SYK: variants seen among roughly 807,000 people sequenced by gnomAD.
SYK encodes spleen associated tyrosine kinase, also known as tyrosine-protein kinase SYK.
Under a neutral mutation model 77.8 loss-of-function variants are expected in SYK, and 16 were observed. That is an observed-to-expected ratio of 0.21 (90% CI 0.14 to 0.31). The LOEUF (loss-of-function observed/expected upper bound fraction) is 0.31, where lower values mean the gene tolerates loss of function less well. Ranked by LOEUF, SYK falls within the 10% of genes least tolerant of loss-of-function variation. The pLI, the probability that SYK is intolerant of heterozygous loss-of-function variation, is 1.00. For synonymous variants in SYK, 312 were observed against 308.7 expected, an observed-to-expected ratio of 1.01 and a Z score of -0.11; for missense variants, 529 against 814.4, an observed-to-expected ratio of 0.65 and a Z score of 4.26.
chr9:90,850,760 G>C (rs1021644948), intron 3 of SYK, among the ~76,000 whole-genome samples: 1 of 137,128 alleles, frequency 7.3e-6, no homozygotes, highest in Non-Finnish European at 1.6e-5. Context: ...GTAAGAATTG[G>C]ACTAAAAGGT....
At chr9:90,842,422 GTGTA>G (rs1427988643) in intron 1 of SYK, among the ~76,000 whole-genome samples, 1 of 150,280 alleles carries the variant, frequency 6.7e-6, no homozygotes, top group African/African-American at 2.5e-5. Context: ...TGTGTTTTGT[GTGTA>G]TGTAACGTAG....
In SYK at chr9:90,897,725, C is replaced by A. The variant is rs1426504082; in HGVS notation, c.*2125C>A. ...TGATGGGACAAGATGGGGGCAGGGG[C>A]CTCACCTCCCTGCAGAGGTCCGGCC... On this transcript the variant is annotated 3_prime_UTR_variant, in exon 14 of 14. Transcript: ENST00000375754. 1 of 224,344 alleles carries A rather than the reference C, an allele frequency of 4.5e-6. No individual in the cohort carries two copies. The highest frequency in any genetic ancestry group is 8.9e-6 in the Non-Finnish European group (1 of 112,406). 13.9% of individuals were successfully genotyped at this position (224,344 alleles called of 1,614,324 possible).
intron 11 of SYK, among the ~76,000 whole-genome samples, chr9:90,882,799 G>A (rs914866885): frequency 6.6e-6 from 1 of 152,218 alleles, no homozygotes; most frequent in African/African-American, 2.4e-5. Context: ...CAAAAGCAAA[G>A]CACAGGGAAA....
intron 1 of SYK, among the ~76,000 whole-genome samples, chr9:90,812,041 A>G (rs1321146888): frequency 6.6e-6 from 1 of 152,082 alleles, no homozygotes. Flanking sequence ...GCCTATACAT[A>G]TTCTATCCAG....
At chr9:90,807,089 C>A (rs1232044728) in intron 1 of SYK, among the ~76,000 whole-genome samples, 1 of 152,216 alleles carries the variant, frequency 6.6e-6, no homozygotes, top group African/African-American at 2.4e-5. Context: ...TCATGGGCAT[C>A]TTCAGAGCCT....
At chr9:90,893,449 T>A (rs1828871646) in intron 13 of SYK, among the ~76,000 whole-genome samples, 1 of 151,596 alleles carries the variant, frequency 6.6e-6, no homozygotes, top group Non-Finnish European at 1.5e-5. Context: ...CTCTCCAAGG[T>A]GATATATAGA....
At chr9:90,841,542 GTGTA>G (rs952524694) in intron 1 of SYK, among the ~76,000 whole-genome samples, 4 of 138,292 alleles carry the variant, frequency 2.9e-5, no homozygotes, top group Admixed American at 7.0e-5. Flanking sequence ...TAGTATGGGG[GTGTA>G]TGTGTGTGGT....
chr9:90,894,610 G>A (rs1828913154), intron 13 of SYK, among the ~76,000 whole-genome samples: 1 of 152,192 alleles, frequency 6.6e-6, no homozygotes, highest in Non-Finnish European at 1.5e-5. Context: ...CAAAATGGCT[G>A]AATGTGGACG....
intron 1 of SYK, among the ~76,000 whole-genome samples, chr9:90,811,565 A>G (rs1825071596): frequency 6.6e-6 from 1 of 152,200 alleles, no homozygotes; most frequent in South Asian, 2.1e-4. Context: ...CAAATATAAC[A>G]ATGTCCAAGT....
chr9:90,817,882 TGAGA>T (rs1171979799), intron 1 of SYK, among the ~76,000 whole-genome samples: 225 of 66,886 alleles, frequency 3.4e-3, no homozygotes, highest in Non-Finnish European at 6.0e-3. Flanking sequence ...TGTGTGTGTG[TGAGA>T]GAGAGAGAGA....
intron 9 of SYK, among the ~76,000 whole-genome samples, chr9:90,876,723 C>T (rs1409692523): frequency 6.6e-6 from 1 of 152,190 alleles, no homozygotes; most frequent in Admixed American, 6.5e-5. Flanking sequence ...CTTTACAATA[C>T]TGAGTCTTTC....
chr9:90,836,054 T>C (rs1023891312), intron 1 of SYK, among the ~76,000 whole-genome samples: 3 of 152,068 alleles, frequency 2.0e-5, no homozygotes, highest in Non-Finnish European at 4.4e-5. Flanking sequence ...TTTGGGAGGC[T>C]GAGGAGGGCA....
intron 1 of SYK, among the ~76,000 whole-genome samples, chr9:90,840,725 T>C (rs936894181): frequency 6.6e-6 from 1 of 152,164 alleles, no homozygotes; most frequent in African/African-American, 2.4e-5. Context: ...AACACCTTGC[T>C]AAGAGATGAA....
chr9:90,862,205 G>C lies in SYK; in HGVS notation c.579-1G>C. On this transcript the variant is annotated splice_acceptor_variant, in intron 3 of 13. Coordinates refer to ENST00000375754, the MANE Select transcript of SYK (RefSeq NM_003177.7). LOFTEE classifies it high-confidence loss of function. ...TGATGCAGTTCCATCCTCTCTTCTA[G>C]GATCCGAGCCAGAGACAACAACGGC... 1 of 1,609,828 alleles carries C rather than the reference G, an allele frequency of 6.2e-7. No individual in the cohort carries two copies. The highest frequency in any genetic ancestry group is 8.5e-7 in the Non-Finnish European group (1 of 1,177,444).
intron 1 of SYK, among the ~76,000 whole-genome samples, chr9:90,826,752 C>T (rs1825679291): frequency 6.6e-6 from 1 of 152,134 alleles, no homozygotes; most frequent in Non-Finnish European, 1.5e-5. Flanking sequence ...AATTAAAAAG[C>T]TGCTTGCTTC....
chr9:90,875,918 TA>T (rs58949868), intron 9 of SYK, among the ~76,000 whole-genome samples: 10 of 150,216 alleles, frequency 6.7e-5, no homozygotes, highest in Admixed American at 2.7e-4. Flanking sequence ...GGGATTTTTG[TA>T]AAAAAAAAAT....
intron 3 of SYK, among the ~76,000 whole-genome samples, chr9:90,859,649 G>A (rs1827174676): frequency 6.6e-6 from 1 of 152,204 alleles, no homozygotes; most frequent in South Asian, 2.1e-4. Context: ...AATAAGTTCA[G>A]TTTCAGGAGA....
chr9:90,874,857 G>T lies in SYK; in HGVS notation c.1181+8G>T, dbSNP rs766724206. ...CTACTACCAAATGAAAAAGTAAGTT[G>T]CTATGTTCCACCAGCCTCACCCTCA... On this transcript the variant is annotated splice_region_variant and intron_variant, in intron 9 of 13. Transcript: ENST00000375754. 1.9e-6 allele frequency: 3 copies of T among 1,613,756 alleles called. No individual in the cohort carries two copies. In the East Asian group the frequency reaches 6.7e-5, roughly 36 times the overall value.
intron 1 of SYK, among the ~76,000 whole-genome samples, chr9:90,831,923 A>G (rs1825911592): frequency 6.6e-6 from 1 of 152,234 alleles, no homozygotes. Flanking sequence ...CTCTAAGTGC[A>G]AGAAGGTTGT....
Sources: gnomAD v4.1 joint callset for allele counts (sites outside exome capture counted in the v4.1 genomes callset) on GRCh38, gnomAD v4.1.1 for gene constraint, MANE v1.5 for transcripts, NCBI Gene and HGNC (gene_info 2026-07-23, HGNC 2026-07-21) for gene names.